The following OR5B2 variants were observed in gnomAD, a reference collection of about 807,000 sequenced individuals.
OR5B2 encodes the protein olfactory receptor 5B2.
For missense variants in OR5B2, 411 were observed against 367.0 expected, an observed-to-expected ratio of 1.12 and a Z score of -0.98; for synonymous variants, 163 against 140.8, an observed-to-expected ratio of 1.16 and a Z score of -1.11.
Position 58,422,789 on chromosome 11 carries a change from A to T in OR5B2, c.473T>A (p.Ile158Asn), listed in dbSNP as rs746478848. 1.2e-6 allele frequency: 2 copies of T among 1,613,814 alleles called. No homozygotes were observed. The highest frequency in any genetic ancestry group is 1.7e-6 in the Non-Finnish European group (2 of 1,179,876). The change falls in exon 3 of 3, where the codon ATT becomes AAT. Residue 158 changes from isoleucine to asparagine, a missense_variant. Physicochemically the swap from Ile to Asn is moderately radical, Grantham distance 149. Coordinates refer to ENST00000641342, the MANE Select transcript of OR5B2 (RefSeq NM_001005566.3). ...VCGFLNASFH[I>N]GGIFSLSFCK... The stretch of plus-strand genomic sequence containing the variant: ...GAAAGAGAGACTGAATATGCCCCCA[A>T]TGTGGAATGAGGCATTTAGGAAGCC...
Position 58,422,127 on chromosome 11 carries a change from C to A in OR5B2, c.*205G>T. 2.4e-6 allele frequency: 1 copy of A among 419,462 alleles called. No individual in the cohort carries two copies. The highest frequency in any genetic ancestry group is 4.2e-6 in the Non-Finnish European group (1 of 237,272). The allele number at this position is 419,462 out of a possible 1,614,324, so 26.0% of individuals were successfully genotyped here. On this transcript the variant is annotated 3_prime_UTR_variant, in exon 3 of 3. Coordinates refer to ENST00000641342, the MANE Select transcript of OR5B2 (RefSeq NM_001005566.3). The stretch of plus-strand genomic sequence containing the variant: ...GACCAGCAAGTTCCAAAAATTCTAA[C>A]ATTTCCATTTAGCCTTCCTCATTCA...
chr11:58,424,348 G>C (rs1165236884), intron 2 of OR5B2, among the ~76,000 whole-genome samples: 1 of 152,052 alleles, frequency 6.6e-6, no homozygotes, highest in Non-Finnish European at 1.5e-5. Flanking sequence ...TCTTCAATTT[G>C]TCTTTCCTCA....
intron 2 of OR5B2, among the ~76,000 whole-genome samples, chr11:58,424,340 T>C (rs1387363275): frequency 6.6e-6 from 1 of 152,130 alleles, no homozygotes; most frequent in Non-Finnish European, 1.5e-5. Context: ...TAGCCCCTTC[T>C]TCAATTTGTC....
intron 2 of OR5B2, among the ~76,000 whole-genome samples, chr11:58,425,021 TAATCAA>T (rs1407801749): frequency 6.6e-6 from 1 of 152,094 alleles, no homozygotes; most frequent in Admixed American, 6.6e-5. Flanking sequence ...AGTTCCAACC[TAATCAA>T]AATTTGTGCT....
intron 1 of OR5B2, 103 bp downstream of exon 1, chr11:58,427,916 A>T (rs1051107947): frequency 3.3e-5 from 5 of 152,260 alleles, no homozygotes; most frequent in Admixed American, 2.0e-4. Flanking sequence ...GAAGGAGGTC[A>T]TTCCTGATGC....
At chr11:58,424,084 C>T (rs941869931) in intron 2 of OR5B2, among the ~76,000 whole-genome samples, 6 of 152,110 alleles carry the variant, frequency 3.9e-5, no homozygotes, top group Non-Finnish European at 8.8e-5. Flanking sequence ...AGCATTGGTC[C>T]CACACTAACT....
At chr11:58,423,883 G>A (rs1168951647) in intron 2 of OR5B2, among the ~76,000 whole-genome samples, 1 of 152,160 alleles carries the variant, frequency 6.6e-6, no homozygotes, top group Non-Finnish European at 1.5e-5. Context: ...CATTGTCTTT[G>A]TTGGTGCAAA....
rs1855277392 is a variant in OR5B2, at chr11:58,421,939, G to A, written c.*393C>T. 6.3e-6 allele frequency: 1 copy of A among 158,924 alleles called. No individual in the cohort carries two copies. The highest frequency in any genetic ancestry group is 2.4e-5 in the African/African-American group (1 of 41,536). The allele number at this position is 158,924 out of a possible 1,614,324, so 9.8% of individuals were successfully genotyped here. A position where few individuals can be genotyped will look rare whatever the true frequency, so the allele number is the denominator to read the frequency against. ...CTAGCCACACTCCATTTACTTCTGA[G>A]TAAATTTCTCCTTCTAATGCCTATG... On this transcript the variant is annotated 3_prime_UTR_variant, in exon 3 of 3. Coordinates refer to ENST00000641342, the MANE Select transcript of OR5B2 (RefSeq NM_001005566.3).
At chr11:58,426,492 T>C (rs1011748002) in intron 2 of OR5B2, 130 bp downstream of exon 2, 1 of 152,268 alleles carries the variant, frequency 6.6e-6, no homozygotes. Context: ...CGTGATAGCA[T>C]GAAAATATTA....
In OR5B2 at chr11:58,422,413, C is replaced by A. The variant is rs375956778; in HGVS notation, c.849G>T (p.Leu283=). The change falls in exon 3 of 3, where the codon CTG becomes CTT. Residue 283 remains leucine (L), a synonymous_variant. Transcript: ENST00000641342. ...TCCTCAGGCTGTAGACCACAGGGTT[C>A]AGCATGGGGATGATCATAGCATAGA... ...SVFYAMIIPM[L]NPVVYSLRNR... 1 of 1,613,542 alleles carries A rather than the reference C, an allele frequency of 6.2e-7. No homozygotes were observed. The highest frequency in any genetic ancestry group is 1.3e-5 in the African/African-American group (1 of 74,886).
rs1256079116 is a variant in OR5B2 at position 58,422,557 on chromosome 11, T to G, written c.705A>C (p.Ala235=). ...KMHSAKGHQK[A]LSTCASHFTA... ...TGAAGTGAGAGGCACAGGTGGACAA[T>G]GCTTTTTGGTGTCCCTTAGCTGAAT... is the stretch of plus-strand genomic sequence containing the variant. The change falls in exon 3 of 3, where the codon GCA becomes GCC. Residue 235 remains alanine, a synonymous_variant. Transcript: ENST00000641342. The G allele has an allele frequency of 2.5e-6, 4 of 1,613,680 alleles. No homozygotes were observed. In the South Asian group the frequency reaches 4.4e-5, roughly 18 times the overall value.
Position 58,423,024 on chromosome 11 carries a change from T to A in OR5B2, c.238A>T (p.Met80Leu), listed in dbSNP as rs1855297944. The A allele has an allele frequency of 1.2e-5, 20 of 1,613,806 alleles. No individual in the cohort carries two copies. Among genetic ancestry groups the A allele is most frequent in the Non-Finnish European group, 1.7e-5 (20 of 1,179,804 alleles). The change falls in exon 3 of 3, where the codon ATG becomes TTG. Residue 80 changes from methionine to leucine, a missense_variant. Met to Leu is a conservative substitution (Grantham distance 15). Coordinates refer to ENST00000641342, the MANE Select transcript of OR5B2 (RefSeq NM_001005566.3). ...TTGTCTCCTCTAAGGAACCCAGCCATGACCTTGGGAGTGACAGCTGAGGAG... is the reference window on the plus strand; with the variant it reads ...TTGTCTCCTCTAAGGAACCCAGCCAAGACCTTGGGAGTGACAGCTGAGGAG... Reference protein sequence around the residue: ...GYSSAVTPKVMAGFLRGDKVI... With the variant: ...GYSSAVTPKVLAGFLRGDKVI...
chr11:58,423,702 T>C (rs1361274571), intron 2 of OR5B2, among the ~76,000 whole-genome samples: 1 of 152,146 alleles, frequency 6.6e-6, no homozygotes, highest in Non-Finnish European at 1.5e-5. Flanking sequence ...ATGAGGTTGA[T>C]TCGTTATTAC....
rs369296397 is a variant in OR5B2 at position 58,423,248 on chromosome 11, G to A, written c.14C>T (p.Thr5Met). MENCTEVTKFILLGL... is the reference protein window; with the variant it reads MENCMEVTKFILLGL... ...TAGAAGAATGAACTTTGTCACTTCC[G>A]TACAATTCTCCATCAGTATTATCTG... Residue 5 changes from threonine (T) to methionine (M), a missense_variant, in exon 3 of 3, where the codon ACG becomes ATG. Coordinates refer to ENST00000641342, the MANE Select transcript of OR5B2 (RefSeq NM_001005566.3). 54 of 1,589,180 alleles carry A rather than the reference G, an allele frequency of 3.4e-5. No homozygotes were observed. Among genetic ancestry groups the A allele is most frequent in the Admixed American group, 5.2e-5 (3 of 58,206 alleles).
At chr11:58,426,079 C>T (rs1264038713) in intron 2 of OR5B2, among the ~76,000 whole-genome samples, 1 of 152,058 alleles carries the variant, frequency 6.6e-6, no homozygotes, top group African/African-American at 2.4e-5. Flanking sequence ...GATACATTCT[C>T]TCATTGCCTC....
At position 58,423,092 on chromosome 11, in the gene OR5B2, A is replaced by C. The variant is rs372887644; in HGVS notation, c.170T>G (p.Met57Arg). The change falls in exon 3 of 3, where the codon ATG becomes AGG. Residue 57 changes from methionine to arginine, a missense_variant. Transcript: ENST00000641342. The part of the protein sequence containing the change: ...ILMDSCLHTP[M>R]YFFLSNLSLV... Reference sequence around the variant, plus strand: ...AGACAGGTTACTGAGGAAAAAGTACATGGGGGTGTGGAGACAAGAGTCCAT... The same window carrying C: ...AGACAGGTTACTGAGGAAAAAGTACCTGGGGGTGTGGAGACAAGAGTCCAT... The C allele has an allele frequency of 3.7e-6, 6 of 1,613,640 alleles. No individual in the cohort carries two copies. In the African/African-American group the frequency reaches 8.0e-5, roughly 22 times the overall value.
intron 2 of OR5B2, among the ~76,000 whole-genome samples, chr11:58,424,244 T>C (rs1325583671): frequency 1.3e-5 from 2 of 152,178 alleles, no homozygotes; most frequent in African/African-American, 4.8e-5. Flanking sequence ...CTAGCTATAA[T>C]ATTATCGTTA....
At chr11:58,426,253 A>G (rs1465180520) in intron 2 of OR5B2, among the ~76,000 whole-genome samples, 1 of 151,822 alleles carries the variant, frequency 6.6e-6, no homozygotes, top group Non-Finnish European at 1.5e-5. Flanking sequence ...GGGGTTTGTT[A>G]TACAGATTAT....
Position 58,422,981 on chromosome 11 carries a change from G to A in OR5B2, c.281C>T (p.Ala94Val), listed in dbSNP as rs762982986. 9 of 1,613,834 alleles carry A rather than the reference G, an allele frequency of 5.6e-6. No individual in the cohort carries two copies. In the South Asian group the frequency reaches 6.6e-5, roughly 12 times the overall value. Residue 94 changes from alanine to valine, a missense_variant, in exon 3 of 3, where the codon GCA becomes GTA. By Grantham distance (64) the Ala-to-Val change is moderately conservative (BLOSUM62 0). Coordinates refer to ENST00000641342, the MANE Select transcript of OR5B2 (RefSeq NM_001005566.3). ...AAAGAAGAACATCTGAACAGCACAT[G>A]CATTGTAGGAGATGACCTTGTCTCC... is the stretch of plus-strand genomic sequence containing the variant. ...LRGDKVISYN[A>V]CAVQMFFFVA...
Sources: gnomAD v4.1 joint callset for allele counts (sites outside exome capture counted in the v4.1 genomes callset) on GRCh38, gnomAD v4.1.1 for gene constraint, MANE v1.5 for transcripts, NCBI Gene and HGNC (gene_info 2026-07-23, HGNC 2026-07-21) for gene names.